Variants in FANCA observed in about 807,000 individuals in gnomAD.
The protein encoded by FANCA is FA complementation group A, also known as Fanconi anemia group A protein.
In FANCA, 236 loss-of-function variants were observed where a neutral mutation model predicts 194.3. The ratio of observed to expected loss-of-function variants is 1.21; its 90% CI spans 1.09 to 1.35. FANCA has a LOEUF of 1.35. FANCA is among the 40% of genes most tolerant of loss of function. The pLI, the probability that FANCA is intolerant of heterozygous loss-of-function variation, is 0.00. For synonymous variants in FANCA, 1,014 were observed against 715.8 expected (o/e 1.42, Z -6.65); for missense variants, 2,628 against 1,813.9 (o/e 1.45, Z -8.15).
intron 20 of FANCA, among the ~76,000 whole-genome samples, chr16:89,776,253 C>T (rs1430822458): frequency 1.3e-5 from 2 of 149,334 alleles, no homozygotes; most frequent in Non-Finnish European, 3.0e-5. Flanking sequence ...CTGCAACCTC[C>T]GCCTCCCAGG....
At chr16:89,798,365 A>C in intron 10 of FANCA, 1 of 1,041,298 alleles carries the variant, frequency 9.6e-7, no homozygotes, top group Non-Finnish European at 1.2e-6. Flanking sequence ...TCAGGAAATC[A>C]CACAGTGCTT....
chr16:89,748,852 C>T, intron 32 of FANCA, 85 bp from the exon 33 acceptor site: 2 of 1,138,286 alleles, frequency 1.8e-6, no homozygotes, highest in Non-Finnish European at 2.6e-6. Flanking sequence ...GAGCAGCAAC[C>T]ACCACCCTGA....
chr16:89,779,073 G>A lies in FANCA; in HGVS notation c.1716-70C>T, dbSNP rs374288114. On this transcript the variant is annotated intron_variant, in intron 18 of 42. Transcript: ENST00000389301. ...AAGGCAATTCCCACAGACGGTGACC[G>A]GTGTTTCAGAGAGTGGACTGCGAGG... 140 of 1,477,272 alleles carry A rather than the reference G, an allele frequency of 9.5e-5. 1 individual carries two copies. Among genetic ancestry groups the A allele is most frequent in the South Asian group, 7.0e-4 (61 of 86,676 alleles). The allele number at this position is 1,477,272 out of a possible 1,614,324, so 91.5% of individuals were successfully genotyped here. A position where few individuals can be genotyped will look rare whatever the true frequency, so the allele number is the denominator to read the frequency against.
chr16:89,762,710 G>C (rs1370243070), intron 28 of FANCA: 1 of 444,556 alleles, frequency 2.2e-6, no homozygotes. Flanking sequence ...GTAGCTCGCT[G>C]CAGACTCTGC....
Position 89,750,772 on chromosome 16 carries a change from GACAAA to G in FANCA, c.3067-875_3067-871del, listed in dbSNP as rs945967968. 1.8e-3 allele frequency among the ~76,000 whole-genome samples: 278 copies of G among 151,822 alleles called. 3 individuals carry two copies. The highest frequency in any genetic ancestry group is 2.7e-3 in the Non-Finnish European group (184 of 67,874). On this transcript the variant is annotated intron_variant, in intron 31 of 42. Coordinates refer to ENST00000389301, the MANE Select transcript of FANCA (RefSeq NM_000135.4). ...CAAGACTCTGTCTCAAAAACAAACA[GACAAA>G]ACAAAACAAAACAACAACAAAAAAA...
At chr16:89,782,626 C>A (rs1203384876) in intron 17 of FANCA, among the ~76,000 whole-genome samples, 3 of 152,186 alleles carry the variant, frequency 2.0e-5, no homozygotes, top group Non-Finnish European at 2.9e-5. Flanking sequence ...GTCCTGCAGC[C>A]TGAGGCACTT....
chr16:89,798,205 G>A (rs902898742), intron 10 of FANCA: 2 of 290,466 alleles, frequency 6.9e-6, no homozygotes, highest in Admixed American at 6.3e-5. Context: ...CTGCAAGCCA[G>A]GAAGAGGGTC....
intron 7 of FANCA, among the ~76,000 whole-genome samples, chr16:89,803,672 T>C (rs1360981951): frequency 6.6e-6 from 1 of 151,610 alleles, no homozygotes; most frequent in East Asian, 1.9e-4. Flanking sequence ...CGCCTGGGCT[T>C]GAGTGCAATG....
chr16:89,769,191 C>G (rs1351341894), intron 26 of FANCA, among the ~76,000 whole-genome samples: 2 of 152,248 alleles, frequency 1.3e-5, no homozygotes, highest in African/African-American at 2.4e-5. Context: ...CTGTCCCGAC[C>G]TGGGCTACCT....
intron 17 of FANCA, among the ~76,000 whole-genome samples, chr16:89,781,751 G>A (rs1268196137): frequency 6.6e-6 from 1 of 151,114 alleles, no homozygotes; most frequent in African/African-American, 2.4e-5. Flanking sequence ...TGTAATCCCA[G>A]CACTTTGAGA....
intron 5 of FANCA, 25 bp downstream of exon 5, chr16:89,810,682 G>A (rs762793928): frequency 7.0e-7 from 1 of 1,428,942 alleles, no homozygotes; most frequent in Admixed American, 1.7e-5. Flanking sequence ...ACACTGGAGA[G>A]TCAGATTTGC....
chr16:89,799,040 C>A, intron 10 of FANCA, 126 bp downstream of exon 10: 1 of 1,614,270 alleles, frequency 6.2e-7, no homozygotes, highest in South Asian at 1.1e-5. Context: ...GTTATCGTAA[C>A]TGGCAGAGGA....
Position 89,769,882 on chromosome 16 carries a change from C to T in FANCA, c.2459G>A (p.Ser820Asn), listed in dbSNP as rs1339411422. The T allele has an allele frequency of 1.9e-6, 3 of 1,614,044 alleles. No individual in the cohort carries two copies. In the African/African-American group the frequency reaches 4.0e-5, roughly 22 times the overall value. ...ATCCCTCGTCCTACAGGTCAGGAGG[C>T]TGTCAAAGAGCGCAGGGACAGGAAG... Reference protein sequence around the residue: ...AGLPVPALFDSLLTCRTRDSL... With the variant: ...AGLPVPALFDNLLTCRTRDSL... Residue 820 changes from serine to asparagine, a missense_variant, in exon 26 of 43, where the codon AGC becomes AAC. Coordinates refer to ENST00000389301, the MANE Select transcript of FANCA (RefSeq NM_000135.4).
At chr16:89,740,995 A>G in intron 37 of FANCA, 129 bp from the exon 38 acceptor site, 1 of 849,898 alleles carries the variant, frequency 1.2e-6, no homozygotes, top group South Asian at 1.5e-5. Context: ...AGTGGATCTT[A>G]GAAAACTTTC....
At chr16:89,780,091 T>G in intron 17 of FANCA, 134 bp from the exon 18 acceptor site, 1 of 804,260 alleles carries the variant, frequency 1.2e-6, no homozygotes, top group Non-Finnish European at 2.1e-6. Flanking sequence ...GCCCACATGC[T>G]GTGCGCACAG....
At position 89,798,452 on chromosome 16, in the gene FANCA, G is replaced by T. The variant is rs564432962; in HGVS notation, c.893+714C>A. The T allele has an allele frequency of 1.0e-5, 11 of 1,089,872 alleles. No homozygotes were observed. The South Asian group carries it at 4.3e-4, about 43-fold the overall frequency. The allele number at this position is 1,089,872 out of a possible 1,614,324, so 67.5% of individuals were successfully genotyped here. On this transcript the variant is annotated intron_variant, in intron 10 of 42. Coordinates refer to ENST00000389301, the MANE Select transcript of FANCA (RefSeq NM_000135.4). ...AGTTAAACAGTTACTGTGAGGGATG[G>T]GAAATGAGGAGCAAAATAAAGAATG...
At position 89,771,790 on chromosome 16, in the gene FANCA, A is replaced by G. The variant is rs1209949274; in HGVS notation, c.2039T>C (p.Ile680Thr). The G allele has an allele frequency of 6.2e-7, 1 of 1,613,912 alleles. No individual in the cohort carries two copies. The highest frequency in any genetic ancestry group is 2.2e-5 in the East Asian group (1 of 44,900). ...RDVISAQVAV[I>T]SERLRAVLGH... ...CAGGACAGCCCTCAGTCTTTCAGAA[A>G]TCACTGCCACCTGTGCCGATATAAC... is the stretch of plus-strand genomic sequence containing the variant. The change falls in exon 23 of 43, where the codon ATT becomes ACT. Residue 680 changes from isoleucine to threonine, a missense_variant. Transcript: ENST00000389301.
At chr16:89,812,232 A>C (rs1293676914) in intron 3 of FANCA, among the ~76,000 whole-genome samples, 2 of 151,760 alleles carry the variant, frequency 1.3e-5, no homozygotes, top group Non-Finnish European at 2.9e-5. Flanking sequence ...CCAGCTACTC[A>C]GGAGGCTGAG....
rs772359099 is a variant in FANCA, at chr16:89,795,921, TGTGA to T, written c.987_990del (p.His330AlafsTer4). 35 of 1,613,542 alleles carry T rather than the reference TGTGA, an allele frequency of 2.2e-5. No homozygotes were observed. Among genetic ancestry groups the T allele is most frequent in the East Asian group, 1.1e-4 (5 of 44,884 alleles). On this transcript the variant is annotated frameshift_variant, in exon 11 of 43. Coordinates refer to ENST00000389301, the MANE Select transcript of FANCA (RefSeq NM_000135.4). LOFTEE classifies it high-confidence loss of function. ...CTGGGCCTACCTTTCAGCACAGGGC[TGTGA>T]GTGAGTATCTGAGTCAGGGTATGAC...
Sources: allele counts gnomAD v4.1 joint callset (sites outside exome capture counted in the v4.1 genomes callset), GRCh38; gene constraint gnomAD v4.1.1; transcripts MANE v1.5; gene names NCBI Gene and HGNC (gene_info 2026-07-23, HGNC 2026-07-21).